SHB: variants seen among roughly 807,000 people sequenced by gnomAD.
SHB encodes the protein SH2 domain-containing adapter protein B.
SHB carries 20 observed loss-of-function variants against 52.3 expected under a neutral mutation model. The ratio of observed to expected loss-of-function variants is 0.38; its 90% CI spans 0.27 to 0.56. The LOEUF (loss-of-function observed/expected upper bound fraction) is 0.56, where lower values mean the gene tolerates loss of function less well. SHB is among the 20% of genes least tolerant of loss of function. SHB has a pLI of 0.71. For synonymous variants in SHB, 397 were observed against 316.5 expected, an observed-to-expected ratio of 1.25 and a Z score of -2.70; for missense variants, 825 against 723.3, an observed-to-expected ratio of 1.14 and a Z score of -1.61.
chr9:37,925,424 G>C (rs1032255996), intron 5 of SHB, among the ~76,000 whole-genome samples: 1 of 152,224 alleles, frequency 6.6e-6, no homozygotes, highest in African/African-American at 2.4e-5. Flanking sequence ...ACAGGCACAC[G>C]CTTTTCAAAT....
intron 1 of SHB, among the ~76,000 whole-genome samples, chr9:38,058,130 C>G (rs972088744): frequency 6.6e-6 from 1 of 152,244 alleles, no homozygotes; most frequent in Non-Finnish European, 1.5e-5. Flanking sequence ...CAGAGTTCCC[C>G]TTCCAATCTC....
intron 1 of SHB, among the ~76,000 whole-genome samples, chr9:38,063,626 C>A (rs991143371): frequency 3.9e-5 from 6 of 152,208 alleles, no homozygotes; most frequent in African/African-American, 1.2e-4. Flanking sequence ...TCTGGCATTC[C>A]TCGGGTTGTG....
In SHB at chr9:38,059,733, T is replaced by C. The variant is rs116630411; in HGVS notation, c.717+8196A>G. On this transcript the variant is annotated intron_variant, in intron 1 of 5. Coordinates refer to ENST00000377707, the MANE Select transcript of SHB (RefSeq NM_003028.3). The stretch of plus-strand genomic sequence containing the variant: ...AGACTCCAGATTCGGCCACGCCACC[T>C]CCACACCACCCCGGCACAAAGGGCA... Among the ~76,000 whole-genome samples the C allele has an allele frequency of 3.9e-3, 596 of 152,108 alleles. 5 individuals are homozygous for C. The highest frequency in any genetic ancestry group is 0.014 in the African/African-American group (575 of 41,492).
At position 37,918,785 on chromosome 9, in the gene SHB, C is replaced by T. The variant is rs376841389; in HGVS notation, c.*1036G>A. ...AGAGCCCTTTGTAGCCAGCTGGGTGCTGTGTCCAGGGGTTGGGGGGGTGTC... is the reference window on the plus strand; with the variant it reads ...AGAGCCCTTTGTAGCCAGCTGGGTGTTGTGTCCAGGGGTTGGGGGGGTGTC... On this transcript the variant is annotated 3_prime_UTR_variant, in exon 6 of 6. Transcript: ENST00000377707. Among the ~76,000 whole-genome samples the T allele has an allele frequency of 2.0e-5, 3 of 152,216 alleles. No homozygotes were observed. Among genetic ancestry groups the T allele is most frequent in the African/African-American group, 7.2e-5 (3 of 41,450 alleles).
intron 1 of SHB, among the ~76,000 whole-genome samples, chr9:38,065,998 G>C (rs1821955975): frequency 6.6e-6 from 1 of 152,070 alleles, no homozygotes. Context: ...CTGTAACCCT[G>C]TAACACGAGG....
At chr9:38,067,873 T>A in intron 1 of SHB, 56 bp downstream of exon 1, 1 of 1,404,742 alleles carries the variant, frequency 7.1e-7, no homozygotes, top group Non-Finnish European at 9.2e-7. Context: ...GTGCCTCGGT[T>A]TCCCCGTGCG....
At chr9:38,038,014 T>C (rs1253128015) in intron 1 of SHB, among the ~76,000 whole-genome samples, 1 of 152,154 alleles carries the variant, frequency 6.6e-6, no homozygotes, top group African/African-American at 2.4e-5. Flanking sequence ...TCCTAACACA[T>C]TGTCTAAGAG....
Position 38,030,538 on chromosome 9 carries a change from T to C in SHB, c.718-14407A>G, listed in dbSNP as rs1821400599. 3.9e-5 allele frequency among the ~76,000 whole-genome samples: 6 copies of C among 152,110 alleles called. 1 individual carries two copies. On this transcript the variant is annotated intron_variant, in intron 1 of 5. Transcript: ENST00000377707. ...ATTTCTGGGGTTAAGAACATTAGGT[T>C]CTTATTTTTAAATGCCAGTATATCA...
intron 5 of SHB, among the ~76,000 whole-genome samples, chr9:37,932,273 C>CAAAAAAAAAAAA (rs56281324): frequency 3.5e-5 from 2 of 56,736 alleles, no homozygotes; most frequent in Non-Finnish European, 6.6e-5. Context: ...AACTCCATCT[C>CAAAAAAAAAAAA]AAAAAAAAAA....
At chr9:37,940,853 A>C (rs1832427015) in intron 5 of SHB, among the ~76,000 whole-genome samples, 1 of 152,208 alleles carries the variant, frequency 6.6e-6, no homozygotes, top group African/African-American at 2.4e-5. Flanking sequence ...AGGCCAGACC[A>C]CAAGTTCGGA....
intron 5 of SHB, among the ~76,000 whole-genome samples, chr9:37,930,223 A>C (rs1312475593): frequency 6.6e-6 from 1 of 152,212 alleles, no homozygotes; most frequent in Non-Finnish European, 1.5e-5. Flanking sequence ...CAAGACACCA[A>C]CCAGATACTC....
intron 5 of SHB, among the ~76,000 whole-genome samples, chr9:37,935,134 T>G (rs1832354062): frequency 6.6e-6 from 1 of 152,088 alleles, no homozygotes. Context: ...AGACTGTGAG[T>G]CTGAAATGTG....
At chr9:37,993,758 AT>A (rs755429888) in intron 2 of SHB, among the ~76,000 whole-genome samples, 16 of 152,180 alleles carry the variant, frequency 1.1e-4, no homozygotes, top group Non-Finnish European at 1.8e-4. Flanking sequence ...GGAATTTTTG[AT>A]ATAAGCCTGA....
In SHB at chr9:38,010,219, C is replaced by T. The variant is rs145792286; in HGVS notation, c.838+5792G>A. On this transcript the variant is annotated intron_variant, in intron 2 of 5. Coordinates refer to ENST00000377707, the MANE Select transcript of SHB (RefSeq NM_003028.3). ...GATGAACATCCCTATACCTCATAGG[C>T]GAGGATTAAGTGAGCTAATCTCTGG... Among the ~76,000 whole-genome samples the T allele has an allele frequency of 6.1e-3, 925 of 152,256 alleles. 12 individuals are homozygous for T. Among genetic ancestry groups the T allele is most frequent in the African/African-American group, 0.021 (885 of 41,548 alleles).
At chr9:37,964,052 G>T (rs1204929750) in intron 3 of SHB, among the ~76,000 whole-genome samples, 2 of 152,172 alleles carry the variant, frequency 1.3e-5, no homozygotes, top group East Asian at 3.8e-4. Context: ...TACCCCACCT[G>T]CCCAGTGAGT....
chr9:37,987,574 A>G (rs1234694046), intron 2 of SHB, among the ~76,000 whole-genome samples: 1 of 152,216 alleles, frequency 6.6e-6, no homozygotes, highest in African/African-American at 2.4e-5. Flanking sequence ...CACAAGGTTG[A>G]GTGACACCAG....
intron 2 of SHB, chr9:38,015,400 C>T (rs937239930): frequency 8.5e-6 from 6 of 703,012 alleles, no homozygotes; most frequent in Non-Finnish European, 1.6e-5. Context: ...TGACTCCACA[C>T]AATTGCTTTG....
At chr9:37,988,733 T>C (rs564384982) in intron 2 of SHB, among the ~76,000 whole-genome samples, 2 of 152,324 alleles carry the variant, frequency 1.3e-5, no homozygotes, top group African/African-American at 2.4e-5. Context: ...AACATTTAAA[T>C]TAGTACACTG....
chr9:38,026,736 C>A (rs1200681646), intron 1 of SHB, among the ~76,000 whole-genome samples: 1 of 152,264 alleles, frequency 6.6e-6, no homozygotes, highest in Non-Finnish European at 1.5e-5. Context: ...CTGAACCTCA[C>A]AGGCCTGTTT....
Sources: allele counts gnomAD v4.1 joint callset (sites outside exome capture counted in the v4.1 genomes callset), GRCh38; gene constraint gnomAD v4.1.1; transcripts MANE v1.5; gene names NCBI Gene and HGNC (gene_info 2026-07-23, HGNC 2026-07-21).